SLC5A10: variants seen among roughly 807,000 people sequenced by gnomAD.
SLC5A10 encodes the protein sodium/mannose cotransporter SLC5A10.
A neutral mutation model predicts 68.9 loss-of-function variants in SLC5A10; 55 were observed. The ratio of observed to expected loss-of-function variants is 0.80; its 90% CI spans 0.64 to 1.00. The LOEUF is 1.00. SLC5A10 is among the 50% of genes least tolerant of loss of function. The pLI, the probability that SLC5A10 is intolerant of heterozygous loss-of-function variation, is 0.00. For synonymous variants in SLC5A10, 344 were observed against 344.8 expected (o/e 1.00, Z 0.02); for missense variants, 732 against 819.3 (o/e 0.89, Z 1.30).
Position 18,976,939 on chromosome 17 carries a change from C to T in SLC5A10, c.932C>T (p.Pro311Leu). 6.2e-7 allele frequency: 1 copy of T among 1,613,452 alleles called. No homozygotes were observed. The highest frequency in any genetic ancestry group is 8.5e-7 in the Non-Finnish European group (1 of 1,179,826). Residue 311 changes from proline (P) to leucine (L), a missense_variant, in exon 9 of 15, where the codon CCC (proline) becomes CTC (leucine). Coordinates refer to ENST00000395645, the MANE Select transcript of SLC5A10 (RefSeq NM_001042450.4). ...CTGGCCAGCTACCTCAAGATGCTCC[C>T]CATGGGCCTGATCATCATGCCGGGC... ...SILASYLKML[P>L]MGLIIMPGMI...
intron 9 of SLC5A10, among the ~76,000 whole-genome samples, chr17:19,002,598 C>A (rs1387402006): frequency 1.3e-5 from 2 of 152,260 alleles, no homozygotes; most frequent in African/African-American, 4.8e-5. Context: ...TCCTTCTCAA[C>A]ACAGCTCACT....
chr17:19,019,250 G>A (rs2044206161), intron 11 of SLC5A10, 173 bp from the exon 12 acceptor site: 2 of 730,322 alleles, frequency 2.7e-6, no homozygotes, highest in South Asian at 3.8e-5. Flanking sequence ...AAAGGGTTTG[G>A]AGCAGGGCAG....
chr17:19,004,121 C>A lies in SLC5A10; in HGVS notation c.983-9289C>A, dbSNP rs1350042549. ...TAGCTCCGGCCCAGCTGGGGCACCG[C>A]GCGCTCGGGGGCCTCTCCGCGGCCT... On this transcript the variant is annotated intron_variant, in intron 9 of 14. Transcript: ENST00000395645. This position sits in a 1 kb window ranked among gnomAD's most constrained non-coding sequence, Gnocchi z 5.4. The A allele has an allele frequency of 7.8e-6, 11 of 1,416,480 alleles. No homozygotes were observed. The highest frequency in any genetic ancestry group is 9.5e-6 in the Non-Finnish European group (10 of 1,050,548). The allele number at this position is 1,416,480 out of a possible 1,614,324, so 87.7% of individuals were successfully genotyped here.
intron 7 of SLC5A10, chr17:18,970,725 G>T: frequency 2.2e-6 from 1 of 464,608 alleles, no homozygotes; most frequent in Non-Finnish European, 3.9e-6. Flanking sequence ...AGTGTCCAGA[G>T]GCCAACAGTG....
intron 4 of SLC5A10, 60 bp downstream of exon 4, chr17:18,959,723 G>A: frequency 6.6e-7 from 1 of 1,519,016 alleles, no homozygotes. Context: ...GTTGGTGGTA[G>A]TAATGGGCAG....
chr17:18,981,108 G>T (rs2043120522), intron 9 of SLC5A10, among the ~76,000 whole-genome samples: 1 of 152,218 alleles, frequency 6.6e-6, no homozygotes, highest in Non-Finnish European at 1.5e-5. Context: ...CTGTGATGAG[G>T]ATCCCACCTG....
Position 19,019,821 on chromosome 17 carries a change from G to T in SLC5A10, c.1519G>T (p.Val507Phe). ...PCGEPDTRPA[V>F]LGSIHYLHFA... ...CGGAGAGCCAGACACGCGGCCAGCC[G>T]TCCTGGGGAGCATCCACTACCTGCA... The change falls in exon 13 of 15, where the codon GTC becomes TTC. Residue 507 changes from valine (V) to phenylalanine (F), a missense_variant. By Grantham distance (50) the Val-to-Phe change is conservative. Transcript: ENST00000395645. 1.2e-6 allele frequency: 2 copies of T among 1,613,434 alleles called. No homozygotes were observed. Among genetic ancestry groups the T allele is most frequent in the South Asian group, 2.2e-5 (2 of 91,038 alleles).
intron 9 of SLC5A10, among the ~76,000 whole-genome samples, chr17:18,987,257 A>G (rs1211432951): frequency 6.6e-6 from 1 of 152,192 alleles, no homozygotes; most frequent in African/African-American, 2.4e-5. Flanking sequence ...CACTATCTTT[A>G]ACTTGCTAGC....
chr17:19,017,265 C>T lies in SLC5A10; in HGVS notation c.1241+2066C>T, dbSNP rs2152160350. The stretch of plus-strand genomic sequence containing the variant: ...CCAGGTGTCAGGCTGGCCAGCTCAA[C>T]TTCCCGTCCCTCTTACAGCACTGGG... On this transcript the variant is annotated intron_variant, in intron 11 of 14. Coordinates refer to ENST00000395645, the MANE Select transcript of SLC5A10 (RefSeq NM_001042450.4). This position sits in a 1 kb window ranked among gnomAD's most constrained non-coding sequence, Gnocchi z 5.6. 6.4e-7 allele frequency: 1 copy of T among 1,550,630 alleles called. No individual in the cohort carries two copies. The highest frequency in any genetic ancestry group is 2.4e-5 in the East Asian group (1 of 40,910).
rs1216369161 is a variant in SLC5A10 at position 18,952,279 on chromosome 17, C to G, written c.74C>G (p.Thr25Ser). 1.2e-6 allele frequency: 2 copies of G among 1,613,910 alleles called. No homozygotes were observed. The highest frequency in any genetic ancestry group is 3.3e-5 in the Admixed American group (2 of 59,982). Residue 25 changes from threonine to serine, a missense_variant, in exon 1 of 15, where the codon ACT becomes AGT. Transcript: ENST00000395645. ...QLSVADIIVI[T>S]VYFALNVAVG... ...AGCGTGGCTGACATCATCGTCATCA[C>G]TGTGTATTTTGCTCTGAATGTGGCC... is the stretch of plus-strand genomic sequence containing the variant.
In SLC5A10 at chr17:18,968,944, T is replaced by A; in HGVS notation, c.454-108T>A. On this transcript the variant is annotated intron_variant, in intron 5 of 14. Transcript: ENST00000395645. The surrounding 1 kb of genome is among the most constrained non-coding windows in gnomAD (Gnocchi z 4.1). Reference sequence around the variant, plus strand: ...GGCGAGTGGGGGTCTCCCCTCCTTATCCACAGGCCACCGAGGCCCAGAGAG... The same window carrying A: ...GGCGAGTGGGGGTCTCCCCTCCTTAACCACAGGCCACCGAGGCCCAGAGAG... The A allele has an allele frequency of 1.0e-6, 1 of 959,378 alleles. No homozygotes were observed. The highest frequency in any genetic ancestry group is 1.5e-6 in the Non-Finnish European group (1 of 659,432). The allele number at this position is 959,378 out of a possible 1,614,324, so 59.4% of individuals were successfully genotyped here.
At chr17:18,979,647 T>C (rs772546971) in intron 9 of SLC5A10, 5 of 1,613,212 alleles carry the variant, frequency 3.1e-6, no homozygotes, top group Non-Finnish European at 3.4e-6. Flanking sequence ...AGAACTCAGT[T>C]CCCCCGCTGC....
intron 11 of SLC5A10, among the ~76,000 whole-genome samples, 190 bp downstream of exon 11, chr17:19,015,389 A>G (rs1276947584): frequency 6.6e-6 from 1 of 152,112 alleles, no homozygotes; most frequent in African/African-American, 2.4e-5. Flanking sequence ...CTGTGTGATC[A>G]CAGCCCTCAT....
In SLC5A10 at chr17:18,969,622, C is replaced by T. The variant is rs539415248; in HGVS notation, c.640+200C>T. On this transcript the variant is annotated intron_variant, in intron 7 of 14. Transcript: ENST00000395645. ...CAGGGACTGCCCTGGCTGGTAGAGGCTACCCACCCTGCTGCCCCGCTGTTA... is the reference window on the plus strand; with the variant it reads ...CAGGGACTGCCCTGGCTGGTAGAGGTTACCCACCCTGCTGCCCCGCTGTTA... The T allele has an allele frequency of 9.4e-6, 5 of 533,860 alleles. No homozygotes were observed. In the East Asian group the frequency reaches 1.2e-4, roughly 13 times the overall value. 33.1% of individuals were successfully genotyped at this position (533,860 alleles called of 1,614,324 possible).
intron 9 of SLC5A10, among the ~76,000 whole-genome samples, chr17:18,982,012 C>T (rs371373368): frequency 2.0e-5 from 3 of 152,330 alleles, no homozygotes; most frequent in Admixed American, 6.5e-5. Flanking sequence ...CCTGGAAAAT[C>T]GGCCGCCAGC....
chr17:18,977,899 G>A (rs376311708), intron 9 of SLC5A10: 63 of 1,610,622 alleles, frequency 3.9e-5, no homozygotes, highest in African/African-American at 5.3e-5. Flanking sequence ...GGTCACTGAG[G>A]GTTACGTAGT....
At chr17:18,993,422 A>G (rs2043481213) in intron 9 of SLC5A10, among the ~76,000 whole-genome samples, 1 of 152,188 alleles carries the variant, frequency 6.6e-6, no homozygotes, top group Non-Finnish European at 1.5e-5. Flanking sequence ...ACTGAGTCGC[A>G]AGACTCGGGT....
At position 19,004,206 on chromosome 17, in the gene SLC5A10, A is replaced by T; in HGVS notation, c.983-9204A>T. The T allele has an allele frequency of 2.9e-5, 5 of 174,914 alleles. No homozygotes were observed. The highest frequency in any genetic ancestry group is 3.0e-5 in the Non-Finnish European group (3 of 100,334). 10.8% of individuals were successfully genotyped at this position (174,914 alleles called of 1,614,324 possible). On this transcript the variant is annotated intron_variant, in intron 9 of 14. Coordinates refer to ENST00000395645, the MANE Select transcript of SLC5A10 (RefSeq NM_001042450.4). The surrounding 1 kb of genome is among the most constrained non-coding windows in gnomAD (Gnocchi z 5.4). Reference sequence around the variant, plus strand: ...ACCTGATGAGCCCGGCTCGGCGGGGAGGGCGGGCCGCGCGGGGAGGGGCGG... The same window carrying T: ...ACCTGATGAGCCCGGCTCGGCGGGGTGGGCGGGCCGCGCGGGGAGGGGCGG...
intron 9 of SLC5A10, chr17:18,988,202 G>T: frequency 6.3e-7 from 1 of 1,591,540 alleles, no homozygotes; most frequent in South Asian, 1.1e-5. Flanking sequence ...CAGACTGAAT[G>T]ACCCCTGCCC....
Sources: allele counts gnomAD v4.1 joint callset (sites outside exome capture counted in the v4.1 genomes callset), GRCh38; gene constraint gnomAD v4.1.1; non-coding constraint Gnocchi (gnomAD v3.1); transcripts MANE v1.5; gene names NCBI Gene and HGNC (gene_info 2026-07-23, HGNC 2026-07-21).